DDAH1: variants seen among roughly 807,000 people sequenced by gnomAD.
The protein encoded by DDAH1 is dimethylarginine dimethylaminohydrolase 1.
In DDAH1, 19 loss-of-function variants were observed where a neutral mutation model predicts 28.8. The ratio of observed to expected loss-of-function variants is 0.66; its 90% CI spans 0.46 to 0.97. The LOEUF is 0.97. DDAH1 is among the 50% of genes least tolerant of loss of function. The pLI is 0.00. For synonymous variants in DDAH1, 153 were observed against 154.4 expected (o/e 0.99, Z 0.07); for missense variants, 326 against 375.9 (o/e 0.87, Z 1.10).
intron 1 of DDAH1, among the ~76,000 whole-genome samples, chr1:85,420,820 T>C (rs1653107500): frequency 6.6e-6 from 1 of 152,218 alleles, no homozygotes; most frequent in South Asian, 2.1e-4. Context: ...CACTCCTCAG[T>C]ACTGATTTTC....
chr1:85,322,663 T>C (rs1280690319), intron 5 of DDAH1, among the ~76,000 whole-genome samples: 2 of 152,208 alleles, frequency 1.3e-5, no homozygotes, highest in Admixed American at 1.3e-4. Flanking sequence ...CTCTGTAATA[T>C]TGGAATAGTA....
At chr1:85,527,378 AC>A (rs1245157392) in intron 1 of DDAH1, among the ~76,000 whole-genome samples, 1 of 152,178 alleles carries the variant, frequency 6.6e-6, no homozygotes, top group East Asian at 1.9e-4. Flanking sequence ...TAAGAAACCA[AC>A]CTTTTCAGGA....
chr1:85,557,217 C>G (rs147134444), intron 1 of DDAH1, among the ~76,000 whole-genome samples: 1 of 152,180 alleles, frequency 6.6e-6, no homozygotes, highest in Non-Finnish European at 1.5e-5. Context: ...CAGGAACTGT[C>G]TTTTGCATTT....
At chr1:85,411,439 G>C (rs938928812) in intron 1 of DDAH1, among the ~76,000 whole-genome samples, 3 of 152,186 alleles carry the variant, frequency 2.0e-5, no homozygotes, top group African/African-American at 7.2e-5. Flanking sequence ...GCTTGACAAA[G>C]TAAATTTTGA....
At chr1:85,369,628 T>A (rs1650272146) in intron 1 of DDAH1, among the ~76,000 whole-genome samples, 1 of 152,224 alleles carries the variant, frequency 6.6e-6, no homozygotes, top group Admixed American at 6.5e-5. Flanking sequence ...AAACATTTAT[T>A]CAGCATTTTC....
chr1:85,367,173 A>G (rs1444030987), intron 1 of DDAH1, among the ~76,000 whole-genome samples: 1 of 152,132 alleles, frequency 6.6e-6, no homozygotes, highest in East Asian at 1.9e-4. Context: ...GCACCTAAAA[A>G]TAACTCATTT....
At chr1:85,345,662 C>T (rs567220942) in intron 4 of DDAH1, among the ~76,000 whole-genome samples, 136 of 152,232 alleles carry the variant, frequency 8.9e-4, no homozygotes, top group Non-Finnish European at 1.8e-3. Context: ...GTCAGGAGTT[C>T]GAGACCAGCC....
chr1:85,538,093 C>T (rs1411701363), intron 1 of DDAH1, among the ~76,000 whole-genome samples: 1 of 152,160 alleles, frequency 6.6e-6, no homozygotes, highest in African/African-American at 2.4e-5. Context: ...ACTAAATGCA[C>T]TGCCAACAGG....
intron 1 of DDAH1, among the ~76,000 whole-genome samples, chr1:85,538,299 A>G (rs1177408535): frequency 2.6e-5 from 4 of 152,250 alleles, no homozygotes; most frequent in Non-Finnish European, 5.9e-5. Context: ...ACTGCATAAA[A>G]TAACATGAAA....
intron 1 of DDAH1, among the ~76,000 whole-genome samples, chr1:85,518,972 C>T (rs1305544406): frequency 6.6e-6 from 1 of 151,676 alleles, no homozygotes; most frequent in Non-Finnish European, 1.5e-5. Flanking sequence ...TGAGATAGAA[C>T]TGTGTTACTG....
intron 4 of DDAH1, among the ~76,000 whole-genome samples, chr1:85,326,521 C>A (rs1218482345): frequency 3.9e-5 from 6 of 152,224 alleles, no homozygotes; most frequent in Non-Finnish European, 8.8e-5. Context: ...GATTCAAACC[C>A]AGATCTGTGC....
At chr1:85,555,868 A>C (rs1183938567) in intron 1 of DDAH1, among the ~76,000 whole-genome samples, 1 of 152,158 alleles carries the variant, frequency 6.6e-6, no homozygotes, top group Non-Finnish European at 1.5e-5. Flanking sequence ...GTAAGGTAAA[A>C]TTCTCCATGC....
chr1:85,326,688 A>G (rs948417927), intron 4 of DDAH1, among the ~76,000 whole-genome samples: 3 of 152,288 alleles, frequency 2.0e-5, no homozygotes, highest in Admixed American at 2.0e-4. Context: ...CTTGTATGTA[A>G]TCCTGTTATG....
intron 1 of DDAH1, among the ~76,000 whole-genome samples, chr1:85,413,730 C>T (rs1254623453): frequency 6.6e-6 from 1 of 152,180 alleles, no homozygotes; most frequent in Non-Finnish European, 1.5e-5. Flanking sequence ...CGAAGTCAAG[C>T]CTTCTTCATT....
intron 2 of DDAH1, among the ~76,000 whole-genome samples, chr1:85,354,400 A>C (rs1283104615): frequency 6.6e-6 from 1 of 152,080 alleles, no homozygotes; most frequent in Non-Finnish European, 1.5e-5. Flanking sequence ...TGATTCCCTC[A>C]TTATAAAGTT....
intron 4 of DDAH1, among the ~76,000 whole-genome samples, chr1:85,325,958 T>C (rs756121115): frequency 2.0e-5 from 3 of 152,252 alleles, no homozygotes; most frequent in Non-Finnish European, 2.9e-5. Flanking sequence ...GGTTCTAATC[T>C]ACCTTTATGG....
chr1:85,508,654 G>A (rs1280976973), intron 1 of DDAH1, among the ~76,000 whole-genome samples: 2 of 152,238 alleles, frequency 1.3e-5, no homozygotes, highest in African/African-American at 2.4e-5. Context: ...GCAACCGGCA[G>A]ACAACGTGAT....
intron 1 of DDAH1, among the ~76,000 whole-genome samples, chr1:85,453,459 T>A (rs1251654877): frequency 6.6e-6 from 1 of 152,212 alleles, no homozygotes; most frequent in Non-Finnish European, 1.5e-5. Flanking sequence ...TGTTTGCCTC[T>A]ATCATTAATG....
At chr1:85,520,828 C>A (rs1162321376) in intron 1 of DDAH1, among the ~76,000 whole-genome samples, 1 of 152,168 alleles carries the variant, frequency 6.6e-6, no homozygotes, top group East Asian at 1.9e-4. Context: ...GGCATAAACA[C>A]AGGAATATGT....
Sources: gnomAD v4.1 joint callset for allele counts (sites outside exome capture counted in the v4.1 genomes callset) on GRCh38, gnomAD v4.1.1 for gene constraint, MANE v1.5 for transcripts, NCBI Gene and HGNC (gene_info 2026-07-23, HGNC 2026-07-21) for gene names.